MAML2: variants seen among roughly 807,000 people sequenced by gnomAD.
MAML2 encodes mastermind-like protein 2.
Under a neutral mutation model 96.1 loss-of-function variants are expected in MAML2, and 22 were observed. The ratio of observed to expected loss-of-function variants is 0.23; its 90% CI spans 0.16 to 0.33. MAML2 has a LOEUF of 0.33. Ranked by LOEUF, MAML2 falls within the 10% of genes least tolerant of loss-of-function variation. The pLI is 1.00. For synonymous variants in MAML2, 561 were observed against 521.3 expected, an observed-to-expected ratio of 1.08 and a Z score of -1.04; for missense variants, 1,367 against 1,392.4, an observed-to-expected ratio of 0.98 and a Z score of 0.29.
intron 4 of MAML2, among the ~76,000 whole-genome samples, chr11:95,980,612 T>C (rs1356043818): frequency 6.6e-6 from 1 of 152,246 alleles, no homozygotes; most frequent in Admixed American, 6.5e-5. Context: ...CTCAATGCAC[T>C]GTGAGCCACC....
intron 2 of MAML2, among the ~76,000 whole-genome samples, chr11:96,006,693 G>A (rs2135723544): frequency 6.6e-6 from 1 of 151,316 alleles, no homozygotes; most frequent in East Asian, 1.9e-4. Flanking sequence ...CGAGTAGCTG[G>A]GATTACAGGC....
intron 1 of MAML2, among the ~76,000 whole-genome samples, chr11:96,321,164 C>A (rs958045305): frequency 1.3e-5 from 2 of 152,212 alleles, no homozygotes; most frequent in Non-Finnish European, 2.9e-5. Context: ...CTATACTTCC[C>A]ACTTCACAAA....
intron 1 of MAML2, among the ~76,000 whole-genome samples, chr11:96,335,805 C>A (rs1863913542): frequency 6.6e-6 from 1 of 152,044 alleles, no homozygotes; most frequent in Non-Finnish European, 1.5e-5. Context: ...TCATTTGTCC[C>A]CCTCAGTACT....
At chr11:96,049,875 T>C (rs1014177723) in intron 2 of MAML2, among the ~76,000 whole-genome samples, 6 of 152,134 alleles carry the variant, frequency 3.9e-5, no homozygotes, top group African/African-American at 1.4e-4. Flanking sequence ...TGGTCAAAAA[T>C]TTCCCTAATT....
chr11:96,228,189 C>T (rs1862241601), intron 1 of MAML2, among the ~76,000 whole-genome samples: 1 of 152,166 alleles, frequency 6.6e-6, no homozygotes, highest in African/African-American at 2.4e-5. Context: ...AGCTTCTGGA[C>T]AGCCCAGTCT....
intron 1 of MAML2, among the ~76,000 whole-genome samples, chr11:96,153,223 C>A (rs1174828824): frequency 3.3e-5 from 5 of 151,432 alleles, no homozygotes; most frequent in Non-Finnish European, 7.4e-5. Flanking sequence ...TCCCTTAATC[C>A]CAAATGACGC....
chr11:96,199,573 T>C (rs558157213), intron 1 of MAML2, among the ~76,000 whole-genome samples: 1 of 152,178 alleles, frequency 6.6e-6, no homozygotes, highest in East Asian at 1.9e-4. Flanking sequence ...TATTTCTTTG[T>C]CCATTCTGTA....
chr11:96,152,549 G>A (rs548907444), intron 1 of MAML2, among the ~76,000 whole-genome samples: 108 of 152,280 alleles, frequency 7.1e-4, no homozygotes, highest in African/African-American at 2.5e-3. Context: ...GCGAGGGACC[G>A]TGGGGGCTAG....
chr11:96,144,427 G>A (rs1031703852), intron 1 of MAML2, among the ~76,000 whole-genome samples: 10 of 152,286 alleles, frequency 6.6e-5, no homozygotes, highest in African/African-American at 9.6e-5. Context: ...AGGTTGGGAC[G>A]AATAGAGTAA....
At chr11:96,139,506 C>T (rs557831913) in intron 1 of MAML2, among the ~76,000 whole-genome samples, 11 of 148,060 alleles carry the variant, frequency 7.4e-5, no homozygotes, top group Non-Finnish European at 1.5e-4. Context: ...TGGTATCCAA[C>T]AATTATCATA....
In MAML2 at chr11:96,268,771, C is replaced by T. The variant is rs373138519; in HGVS notation, c.513+72612G>A. Among the ~76,000 whole-genome samples the T allele has an allele frequency of 3.6e-4, 39 of 108,192 alleles. 8 individuals are homozygous for T. The highest frequency in any genetic ancestry group is 3.5e-3 in the Admixed American group (31 of 8,748). 71.0% of individuals were successfully genotyped at this position (108,192 alleles called of 152,430 possible). The stretch of plus-strand genomic sequence containing the variant: ...TTATAAAGGGGAGTTCCCCTGCACA[C>T]GATCTGTTGTCTGCCGCCATGTAAG... On this transcript the variant is annotated intron_variant, in intron 1 of 4. Transcript: ENST00000524717.
intron 1 of MAML2, among the ~76,000 whole-genome samples, chr11:96,276,712 C>G (rs1471462765): frequency 1.3e-5 from 2 of 149,920 alleles, no homozygotes; most frequent in Non-Finnish European, 3.0e-5. Context: ...GTCGAAGTGG[C>G]TTGCGAAAAG....
chr11:96,060,123 G>A (rs1222788769), intron 2 of MAML2, among the ~76,000 whole-genome samples: 1 of 152,162 alleles, frequency 6.6e-6, no homozygotes, highest in Admixed American at 6.5e-5. Flanking sequence ...AGCTTCATGT[G>A]GTAGAAGCTG....
At chr11:95,987,688 G>C (rs1177256019) in intron 3 of MAML2, among the ~76,000 whole-genome samples, 2 of 152,108 alleles carry the variant, frequency 1.3e-5, no homozygotes, top group East Asian at 3.8e-4. Flanking sequence ...ATAAAGGAGA[G>C]GAAAAAGCCT....
intron 1 of MAML2, among the ~76,000 whole-genome samples, chr11:96,327,545 A>T (rs1245351995): frequency 6.6e-6 from 1 of 151,872 alleles, no homozygotes. Flanking sequence ...CCCCTGCCTC[A>T]ACAGATTACA....
intron 1 of MAML2, among the ~76,000 whole-genome samples, chr11:96,209,254 T>C (rs918707666): frequency 3.3e-5 from 5 of 150,506 alleles, no homozygotes; most frequent in Non-Finnish European, 7.4e-5. Context: ...GGCAGTCTTT[T>C]GGGACAAGGG....
intron 1 of MAML2, among the ~76,000 whole-genome samples, chr11:96,185,171 G>T (rs773635306): frequency 6.7e-6 from 1 of 148,290 alleles, no homozygotes; most frequent in African/African-American, 2.6e-5. Context: ...GCTCCTTATC[G>T]TAGTGACAAA....
chr11:95,994,581 G>A (rs1857962746), intron 2 of MAML2, among the ~76,000 whole-genome samples: 1 of 152,110 alleles, frequency 6.6e-6, no homozygotes. Flanking sequence ...CAGGGGGAAA[G>A]AGGCAGGATC....
chr11:96,272,403 G>A (rs1387770326), intron 1 of MAML2, among the ~76,000 whole-genome samples: 6 of 152,126 alleles, frequency 3.9e-5, no homozygotes, highest in Non-Finnish European at 7.3e-5. Context: ...CTCACAAGAG[G>A]CATCCACCTT....
Sources: gnomAD v4.1 joint callset for allele counts (sites outside exome capture counted in the v4.1 genomes callset) on GRCh38, gnomAD v4.1.1 for gene constraint, MANE v1.5 for transcripts, NCBI Gene and HGNC (gene_info 2026-07-23, HGNC 2026-07-21) for gene names.